Variants in FEM1A observed in about 807,000 individuals in gnomAD.
FEM1A encodes the protein fem-1 homolog A, also known as protein fem-1 homolog A.
In FEM1A, 1 loss-of-function variant was observed where a neutral mutation model predicts 0.7. That is an observed-to-expected ratio of 1.35 (90% CI 0.48 to 6.40). The LOEUF (loss-of-function observed/expected upper bound fraction) is 6.40. FEM1A is among the 30% of genes most tolerant of loss of function. The probability of loss-of-function intolerance (pLI) is 0.14; values close to 1 mark genes in which losing one functional copy is unlikely to be tolerated. For synonymous variants in FEM1A, 391 were observed against 420.6 expected, an observed-to-expected ratio of 0.93 and a Z score of 0.86; for missense variants, 721 against 918.7, an observed-to-expected ratio of 0.78 and a Z score of 2.78.
Position 4,793,524 on chromosome 19 carries a change from G to A in FEM1A, c.1670G>A (p.Arg557Lys). 1.2e-6 allele frequency: 2 copies of A among 1,613,136 alleles called. No homozygotes were observed. The highest frequency in any genetic ancestry group is 1.7e-6 in the Non-Finnish European group (2 of 1,179,866). The change falls in exon 1 of 1, where the codon AGA (arginine) becomes AAA (lysine). Residue 557 changes from arginine (R) to lysine (K), a missense_variant. Coordinates refer to ENST00000269856, the MANE Select transcript of FEM1A (RefSeq NM_018708.3). The surrounding 1 kb of genome is among the most constrained non-coding windows in gnomAD (Gnocchi z 5.1). ...TTNVGRYPVG[R>K]FPSLHVVKVL... Reference sequence around the variant, plus strand: ...AACGTGGGCCGCTATCCCGTGGGCAGATTCCCCTCCCTGCACGTGGTCAAA... The same window carrying A: ...AACGTGGGCCGCTATCCCGTGGGCAAATTCCCCTCCCTGCACGTGGTCAAA...
In FEM1A at chr19:4,792,428, G is replaced by A. The variant is rs1281420318; in HGVS notation, c.574G>A (p.Glu192Lys). ...CAACACGGCCCTGCATGACTGCGCC[G>A]AGTCCGGCAGCCTGGAGATCCTGCA... is the stretch of plus-strand genomic sequence containing the variant. Reference protein sequence around the residue: ...KGNTALHDCAESGSLEILQLL... With the variant: ...KGNTALHDCAKSGSLEILQLL... Residue 192 changes from glutamate to lysine, a missense_variant, in exon 1 of 1, where the codon GAG becomes AAG. Transcript: ENST00000269856. The surrounding 1 kb of genome is among the most constrained non-coding windows in gnomAD (Gnocchi z 6.7). The A allele has an allele frequency of 6.3e-7, 1 of 1,596,074 alleles. No individual in the cohort carries two copies. The highest frequency in any genetic ancestry group is 1.3e-5 in the African/African-American group (1 of 75,012).
At position 4,792,848 on chromosome 19, in the gene FEM1A, G is replaced by T. The variant is rs1478846338; in HGVS notation, c.994G>T (p.Gly332Trp). The T allele has an allele frequency of 1.2e-6, 2 of 1,612,026 alleles. No homozygotes were observed. Among genetic ancestry groups the T allele is most frequent in the Non-Finnish European group, 1.7e-6 (2 of 1,180,010 alleles). The change falls in exon 1 of 1, where the codon GGG becomes TGG. Residue 332 changes from glycine to tryptophan, a missense_variant. This residue lies in a region of FEM1A where 379 missense variants were observed against 454.8 expected (regional missense o/e 0.83). Coordinates refer to ENST00000269856, the MANE Select transcript of FEM1A (RefSeq NM_018708.3). This position sits in a 1 kb window ranked among gnomAD's most constrained non-coding sequence, Gnocchi z 6.7. ...WRRAMELRHQ[G>W]GEYLPKPEPP... The stretch of plus-strand genomic sequence containing the variant: ...GCGGGCCATGGAGCTGCGTCACCAG[G>T]GGGGCGAGTACCTGCCCAAACCGGA...
Position 4,800,526 on chromosome 19 carries a change from T to C in FEM1A, c.*6662T>C, listed in dbSNP as rs1158020784. On this transcript the variant is annotated 3_prime_UTR_variant, in exon 1 of 1. Transcript: ENST00000269856. Reference sequence around the variant, plus strand: ...GACTTTCTTAGACCCTCCCCAGCACTTTGAGGGTGTCAGTCACTGCTGCGT... The same window carrying C: ...GACTTTCTTAGACCCTCCCCAGCACCTTGAGGGTGTCAGTCACTGCTGCGT... 1 of 152,320 alleles carries C rather than the reference T, an allele frequency of 6.6e-6. No homozygotes were observed. The highest frequency in any genetic ancestry group is 1.5e-5 in the Non-Finnish European group (1 of 68,118). 9.4% of individuals were successfully genotyped at this position (152,320 alleles called of 1,614,324 possible). A position where few individuals can be genotyped will look rare whatever the true frequency, so the allele number is the denominator to read the frequency against.
At position 4,798,078 on chromosome 19, in the gene FEM1A, C is replaced by CACAAA. The variant is rs2093563549; in HGVS notation, c.*4215_*4216insCAAAA. ...TGAAACCCCGTCTCTACTAAAAATACAAAAATTAGCCGGGTGTGGTGGCAG... is the reference window on the plus strand; with the variant it reads ...TGAAACCCCGTCTCTACTAAAAATACACAAAAAAAATTAGCCGGGTGTGGTGGCAG... On this transcript the variant is annotated 3_prime_UTR_variant, in exon 1 of 1. Transcript: ENST00000269856. The CACAAA allele has an allele frequency of 7.2e-6, 1 of 138,766 alleles. No homozygotes were observed. The highest frequency in any genetic ancestry group is 1.6e-5 in the Non-Finnish European group (1 of 63,128). 8.6% of individuals were successfully genotyped at this position (138,766 alleles called of 1,614,324 possible).
Position 4,793,022 on chromosome 19 carries a change from TC to T in FEM1A, c.1170del (p.Tyr391IlefsTer37), listed in dbSNP as rs2093556476. 8.7e-6 allele frequency: 14 copies of T among 1,613,390 alleles called. No individual in the cohort carries two copies. The highest frequency in any genetic ancestry group is 8.5e-6 in the Non-Finnish European group (10 of 1,180,008). On this transcript the variant is annotated frameshift_variant, in exon 1 of 1. Transcript: ENST00000269856. LOFTEE classifies it low-confidence loss of function (END_TRUNC). The surrounding 1 kb of genome is among the most constrained non-coding windows in gnomAD (Gnocchi z 5.1). The part of the protein sequence containing the change: ...RILGPSHPDT[S>X]YYIRYRGAVY... ...CCTCGGTCCCTCGCACCCGGACACT[TC>T]CTATTACATCCGTTACAGGGGTGCC...
rs752152044 is a variant in FEM1A at position 4,793,201 on chromosome 19, G to T, written c.1347G>T (p.Arg449=). The T allele has an allele frequency of 6.2e-7, 1 of 1,613,380 alleles. No homozygotes were observed. The highest frequency in any genetic ancestry group is 1.7e-5 in the Admixed American group (1 of 60,004). ...TCTTCTCCTACGTGCTTCAGGACCG[G>T]GCCGCCAAAGGCAGCCTGGGCACCC... ...AELFSYVLQD[R]AAKGSLGTQI... The change falls in exon 1 of 1, where the codon CGG becomes CGT. Residue 449 remains arginine (R), a synonymous_variant. Coordinates refer to ENST00000269856, the MANE Select transcript of FEM1A (RefSeq NM_018708.3). The surrounding 1 kb of genome is among the most constrained non-coding windows in gnomAD (Gnocchi z 5.1).
At position 4,796,708 on chromosome 19, in the gene FEM1A, G is replaced by C. The variant is rs8101909; in HGVS notation, c.*2844G>C. 6.6e-6 allele frequency: 1 copy of C among 152,314 alleles called. No individual in the cohort carries two copies. Among genetic ancestry groups the C allele is most frequent in the Non-Finnish European group, 1.5e-5 (1 of 68,152 alleles). 9.4% of individuals were successfully genotyped at this position (152,314 alleles called of 1,614,324 possible). A position where few individuals can be genotyped will look rare whatever the true frequency, so the allele number is the denominator to read the frequency against. On this transcript the variant is annotated 3_prime_UTR_variant, in exon 1 of 1. Transcript: ENST00000269856. ...GATTGAGCTGTCGATATGAACGTCC[G>C]GTTAATCCCTGTGCGCCCGCCTCAC...
chr19:4,798,079 A>AAAAAC lies in FEM1A; in HGVS notation c.*4219_*4220insCAAAA, dbSNP rs2093563568. ...GAAACCCCGTCTCTACTAAAAATAC[A>AAAAAC]AAAATTAGCCGGGTGTGGTGGCAGG... On this transcript the variant is annotated 3_prime_UTR_variant, in exon 1 of 1. Coordinates refer to ENST00000269856, the MANE Select transcript of FEM1A (RefSeq NM_018708.3). 1 of 20,198 alleles carries AAAAAC rather than the reference A, an allele frequency of 5.0e-5. No homozygotes were observed. Among genetic ancestry groups the AAAAAC allele is most frequent in the South Asian group, 1.1e-3 (1 of 930 alleles). The allele number at this position is 20,198 out of a possible 1,614,324, so 1.3% of individuals were successfully genotyped here.
rs1412462811 is a variant in FEM1A at position 4,796,716 on chromosome 19, C to G, written c.*2852C>G. ...TGTCGATATGAACGTCCGGTTAATC[C>G]CTGTGCGCCCGCCTCACGTGGCAGT... On this transcript the variant is annotated 3_prime_UTR_variant, in exon 1 of 1. Transcript: ENST00000269856. The G allele has an allele frequency of 6.6e-6, 1 of 152,306 alleles. No homozygotes were observed. Among genetic ancestry groups the G allele is most frequent in the Admixed American group, 6.5e-5 (1 of 15,268 alleles). 9.4% of individuals were successfully genotyped at this position (152,306 alleles called of 1,614,324 possible). A position where few individuals can be genotyped will look rare whatever the true frequency, so the allele number is the denominator to read the frequency against.
In FEM1A at chr19:4,792,910, G is replaced by C; in HGVS notation, c.1056G>C (p.Arg352Ser). ...PQLVLAYDYS[R>S]EVNTTEELEA... ...TGGTCCTGGCCTATGACTATTCCAG[G>C]GAGGTCAACACCACCGAGGAGCTGG... is the stretch of plus-strand genomic sequence containing the variant. The change falls in exon 1 of 1, where the codon AGG (arginine) becomes AGC (serine). Residue 352 changes from arginine (R) to serine (S), a missense_variant. Transcript: ENST00000269856. The surrounding 1 kb of genome is among the most constrained non-coding windows in gnomAD (Gnocchi z 6.7). The C allele has an allele frequency of 6.2e-7, 1 of 1,612,358 alleles. No individual in the cohort carries two copies. The highest frequency in any genetic ancestry group is 2.2e-5 in the East Asian group (1 of 44,856).
chr19:4,799,141 G>A lies in FEM1A; in HGVS notation c.*5277G>A, dbSNP rs1421434504. 6 of 152,338 alleles carry A rather than the reference G, an allele frequency of 3.9e-5. No homozygotes were observed. Among genetic ancestry groups the A allele is most frequent in the Admixed American group, 1.3e-4 (2 of 15,272 alleles). The allele number at this position is 152,338 out of a possible 1,614,324, so 9.4% of individuals were successfully genotyped here. ...CACATCCCAAGATTCGTGACCGAGC[G>A]CGGTGGCTCACGCCTGTAATTCCAG... On this transcript the variant is annotated 3_prime_UTR_variant, in exon 1 of 1. Coordinates refer to ENST00000269856, the MANE Select transcript of FEM1A (RefSeq NM_018708.3).
In FEM1A at chr19:4,791,804, C is replaced by G. The variant is rs890816020; in HGVS notation, c.-51C>G. 7.0e-7 allele frequency: 1 copy of G among 1,432,008 alleles called. No individual in the cohort carries two copies. The highest frequency in any genetic ancestry group is 2.6e-5 in the Admixed American group (1 of 39,070). The allele number at this position is 1,432,008 out of a possible 1,614,324, so 88.7% of individuals were successfully genotyped here. A position where few individuals can be genotyped will look rare whatever the true frequency, so the allele number is the denominator to read the frequency against. On this transcript the variant is annotated 5_prime_UTR_variant, in exon 1 of 1. Transcript: ENST00000269856. ...CCCGCCCGTCCGGGCTCTGATCCTC[C>G]GTCTCCCCGTCCCCCGGCGGCCGGC...
Position 4,791,791 on chromosome 19 carries a change from G to T in FEM1A, c.-64G>T, listed in dbSNP as rs1487622496. 1 of 1,407,956 alleles carries T rather than the reference G, an allele frequency of 7.1e-7. No homozygotes were observed. The highest frequency in any genetic ancestry group is 9.3e-7 in the Non-Finnish European group (1 of 1,077,304). 87.2% of individuals were successfully genotyped at this position (1,407,956 alleles called of 1,614,324 possible). A position where few individuals can be genotyped will look rare whatever the true frequency, so the allele number is the denominator to read the frequency against. On this transcript the variant is annotated 5_prime_UTR_variant, in exon 1 of 1. Transcript: ENST00000269856. ...GTGAAGGTTGCCTCCCGCCCGTCCGGGCTCTGATCCTCCGTCTCCCCGTCC... is the reference window on the plus strand; with the variant it reads ...GTGAAGGTTGCCTCCCGCCCGTCCGTGCTCTGATCCTCCGTCTCCCCGTCC...
In FEM1A at chr19:4,793,793, C is replaced by G. The variant is rs1328491718; in HGVS notation, c.1939C>G (p.Leu647Val). 6.2e-7 allele frequency: 1 copy of G among 1,611,016 alleles called. No individual in the cohort carries two copies. The highest frequency in any genetic ancestry group is 8.5e-7 in the Non-Finnish European group (1 of 1,179,442). Residue 647 changes from leucine to valine, a missense_variant, in exon 1 of 1, where the codon CTG becomes GTG. Around this residue, in one of 4 missense-constraint regions of FEM1A, gnomAD observed 379 missense variants for 454.8 expected, o/e 0.83. Coordinates refer to ENST00000269856, the MANE Select transcript of FEM1A (RefSeq NM_018708.3). This position sits in a 1 kb window ranked among gnomAD's most constrained non-coding sequence, Gnocchi z 5.1. ...CCTGCAGTGCCTTGCGGCCCGGGCCCTGGATAAGAACAAGATCCCTTACAA... is the reference window on the plus strand; with the variant it reads ...CCTGCAGTGCCTTGCGGCCCGGGCCGTGGATAAGAACAAGATCCCTTACAA... Reference protein sequence around the residue: ...VTLQCLAARALDKNKIPYKGF... With the variant: ...VTLQCLAARAVDKNKIPYKGF...
Position 4,793,888 on chromosome 19 carries a change from C to T in FEM1A, c.*24C>T. 1.9e-6 allele frequency: 3 copies of T among 1,573,802 alleles called. No individual in the cohort carries two copies. Among genetic ancestry groups the T allele is most frequent in the Non-Finnish European group, 1.7e-6 (2 of 1,160,622 alleles). Reference sequence around the variant, plus strand: ...GACCTGCCCAGAACGCCTGCACCCTCACCTCTCCCCTCTCCTGCTGAGATG... The same window carrying T: ...GACCTGCCCAGAACGCCTGCACCCTTACCTCTCCCCTCTCCTGCTGAGATG... On this transcript the variant is annotated 3_prime_UTR_variant, in exon 1 of 1. Transcript: ENST00000269856. The surrounding 1 kb of genome is among the most constrained non-coding windows in gnomAD (Gnocchi z 5.1).
Position 4,792,505 on chromosome 19 carries a change from C to T in FEM1A, c.651C>T (p.Thr217=), listed in dbSNP as rs1237929785. ...ARMERDGYGM[T]PLLAASVTGH... is the part of the protein sequence containing the mutation. ...TGGAACGTGACGGCTACGGCATGAC[C>T]CCGCTGCTCGCGGCCAGCGTGACGG... is the stretch of plus-strand genomic sequence containing the variant. The change falls in exon 1 of 1, where the codon ACC becomes ACT. Residue 217 remains threonine, a synonymous_variant. Coordinates refer to ENST00000269856, the MANE Select transcript of FEM1A (RefSeq NM_018708.3). This position sits in a 1 kb window ranked among gnomAD's most constrained non-coding sequence, Gnocchi z 6.7. The T allele has an allele frequency of 8.8e-6, 14 of 1,598,314 alleles. No individual in the cohort carries two copies. The highest frequency in any genetic ancestry group is 1.2e-5 in the Non-Finnish European group (14 of 1,179,692).
At position 4,793,912 on chromosome 19, in the gene FEM1A, T is replaced by A; in HGVS notation, c.*48T>A. 1 of 1,532,074 alleles carries A rather than the reference T, an allele frequency of 6.5e-7. No individual in the cohort carries two copies. The highest frequency in any genetic ancestry group is 8.8e-7 in the Non-Finnish European group (1 of 1,131,484). The allele number at this position is 1,532,074 out of a possible 1,614,324, so 94.9% of individuals were successfully genotyped here. On this transcript the variant is annotated 3_prime_UTR_variant, in exon 1 of 1. Transcript: ENST00000269856. The surrounding 1 kb of genome is among the most constrained non-coding windows in gnomAD (Gnocchi z 5.1). Reference sequence around the variant, plus strand: ...TCACCTCTCCCCTCTCCTGCTGAGATGGGGGAAATCCGGCTGCGGCATAGC... The same window carrying A: ...TCACCTCTCCCCTCTCCTGCTGAGAAGGGGGAAATCCGGCTGCGGCATAGC...
Position 4,793,635 on chromosome 19 carries a change from C to T in FEM1A, c.1781C>T (p.Pro594Leu), listed in dbSNP as rs756187271. 2 of 1,612,836 alleles carry T rather than the reference C, an allele frequency of 1.2e-6. No homozygotes were observed. The highest frequency in any genetic ancestry group is 1.1e-5 in the South Asian group (1 of 91,028). Reference protein sequence around the residue: ...PLHIAAQNNCPAIMNALIEAG... With the variant: ...PLHIAAQNNCLAIMNALIEAG... ...CACATAGCAGCCCAGAACAACTGCC[C>T]GGCCATCATGAATGCCCTGATCGAA... The change falls in exon 1 of 1, where the codon CCG (proline) becomes CTG (leucine). Residue 594 changes from proline to leucine, a missense_variant. By Grantham distance (98) the Pro-to-Leu change is moderately conservative. This residue lies in a region of FEM1A where 379 missense variants were observed against 454.8 expected (regional missense o/e 0.83). Coordinates refer to ENST00000269856, the MANE Select transcript of FEM1A (RefSeq NM_018708.3). The surrounding 1 kb of genome is among the most constrained non-coding windows in gnomAD (Gnocchi z 5.1).
rs973168938 is a variant in FEM1A, at chr19:4,798,630, G to A, written c.*4766G>A. 1.2e-4 allele frequency: 18 copies of A among 151,246 alleles called. No homozygotes were observed. Among genetic ancestry groups the A allele is most frequent in the African/African-American group, 3.9e-4 (16 of 40,936 alleles). The allele number at this position is 151,246 out of a possible 1,614,324, so 9.4% of individuals were successfully genotyped here. The stretch of plus-strand genomic sequence containing the variant: ...CCATCTCAAAAAAAAAAAAAAGAAA[G>A]AAAAATGCCTAAGGACACAGCGCAT... On this transcript the variant is annotated 3_prime_UTR_variant, in exon 1 of 1. Transcript: ENST00000269856.
Sources: allele counts gnomAD v4.1 joint callset, GRCh38; gene constraint gnomAD v4.1.1; regional missense constraint gnomAD v4.1.1; non-coding constraint Gnocchi (gnomAD v3.1); transcripts MANE v1.5; gene names NCBI Gene and HGNC (gene_info 2026-07-23, HGNC 2026-07-21).